The following ADCY8 variants were observed in gnomAD, a reference collection of about 807,000 sequenced individuals.
ADCY8 encodes the protein adenylate cyclase 8.
ADCY8 carries 51 observed loss-of-function variants against 119.7 expected under a neutral mutation model. The ratio of observed to expected loss-of-function variants is 0.43; its 90% CI spans 0.34 to 0.54. The LOEUF (loss-of-function observed/expected upper bound fraction) is 0.54. ADCY8 is among the 20% of genes least tolerant of loss of function. The pLI is 0.03. For missense variants in ADCY8, 1,383 were observed against 1,598.8 expected, an observed-to-expected ratio of 0.87 and a Z score of 2.30; for synonymous variants, 665 against 651.0, an observed-to-expected ratio of 1.02 and a Z score of -0.33.
intron 6 of ADCY8, among the ~76,000 whole-genome samples, chr8:130,906,079 A>T (rs1819774835): frequency 6.6e-6 from 1 of 152,214 alleles, no homozygotes; most frequent in South Asian, 2.1e-4. Context: ...GATTGATTTC[A>T]AGTGCAAGAT....
chr8:130,932,507 T>C (rs1820661296), intron 5 of ADCY8, among the ~76,000 whole-genome samples: 1 of 152,116 alleles, frequency 6.6e-6, no homozygotes, highest in Non-Finnish European at 1.5e-5. Flanking sequence ...AAATGGATGG[T>C]ATATTTTTCT....
rs558343181 is a variant in ADCY8 at position 130,939,297 on chromosome 8, C to T, written c.1354-2097G>A. Among the ~76,000 whole-genome samples, 14 of 152,200 alleles carry T rather than the reference C, an allele frequency of 9.2e-5. No individual in the cohort carries two copies. The South Asian group carries it at 2.7e-3, about 29-fold the overall frequency. ...AACATTATGAAAACTCACTACATTG[C>T]TTTTATCATTTTTAAAATCTCATGC... is the stretch of plus-strand genomic sequence containing the variant. On this transcript the variant is annotated intron_variant, in intron 4 of 17. Coordinates refer to ENST00000286355, the MANE Select transcript of ADCY8 (RefSeq NM_001115.3).
chr8:130,872,433 C>T (rs1000124220), intron 8 of ADCY8, among the ~76,000 whole-genome samples: 2 of 152,164 alleles, frequency 1.3e-5, no homozygotes, highest in Admixed American at 6.5e-5. Context: ...CTACTGCTTC[C>T]TTGCTATTTT....
chr8:130,882,929 A>T (rs1356208613), intron 8 of ADCY8, among the ~76,000 whole-genome samples: 2 of 152,104 alleles, frequency 1.3e-5, no homozygotes, highest in African/African-American at 4.8e-5. Context: ...TGTTGCCATC[A>T]CCACTGGGGA....
At chr8:131,015,826 G>GGACCCAAACTCA (rs1282123025) in intron 1 of ADCY8, among the ~76,000 whole-genome samples, 1 of 152,090 alleles carries the variant, frequency 6.6e-6, no homozygotes, top group Non-Finnish European at 1.5e-5. Flanking sequence ...AGAGAGGGCT[G>GGACCCAAACTCA]GACCCAAACT....
intron 14 of ADCY8, among the ~76,000 whole-genome samples, chr8:130,809,140 T>A (rs1301120806): frequency 6.6e-6 from 1 of 152,198 alleles, no homozygotes; most frequent in East Asian, 1.9e-4. Flanking sequence ...GTCCACCGCC[T>A]GTGTTTGGAT....
intron 5 of ADCY8, among the ~76,000 whole-genome samples, chr8:130,923,895 G>A (rs1343961318): frequency 1.3e-5 from 2 of 152,164 alleles, no homozygotes; most frequent in Admixed American, 6.5e-5. Context: ...CTATGAGGCT[G>A]TTTTGATTAG....
chr8:130,814,004 A>G, intron 14 of ADCY8, 65 bp downstream of exon 14: 1 of 1,581,660 alleles, frequency 6.3e-7, no homozygotes, highest in Non-Finnish European at 8.6e-7. Context: ...TTTGGGATCA[A>G]TGTGAACAAC....
chr8:130,986,695 A>C (rs1270638167), intron 2 of ADCY8, among the ~76,000 whole-genome samples: 1 of 152,248 alleles, frequency 6.6e-6, no homozygotes, highest in Non-Finnish European at 1.5e-5. Flanking sequence ...CTGGTGAAAT[A>C]GCAGTTTGGG....
chr8:130,807,983 C>CA (rs752321769), intron 14 of ADCY8, among the ~76,000 whole-genome samples: 586 of 47,236 alleles, frequency 0.012, 118 homozygotes, highest in East Asian at 0.042. Context: ...GACTCCGTCT[C>CA]AAAAAAAAAA....
chr8:130,884,122 T>A (rs1202922214), intron 8 of ADCY8, among the ~76,000 whole-genome samples: 1 of 152,162 alleles, frequency 6.6e-6, no homozygotes, highest in Admixed American at 6.5e-5. Context: ...GGAGAATAGA[T>A]ATCTAAAATC....
At chr8:130,905,931 T>G (rs886078578) in intron 6 of ADCY8, among the ~76,000 whole-genome samples, 2 of 152,196 alleles carry the variant, frequency 1.3e-5, no homozygotes, top group Non-Finnish European at 2.9e-5. Context: ...CTACTCCCTC[T>G]CATCCTTCTA....
In ADCY8 at chr8:130,998,973, G is replaced by A. The variant is rs190960809; in HGVS notation, c.961-8431C>T. Among the ~76,000 whole-genome samples, 100 of 152,242 alleles carry A rather than the reference G, an allele frequency of 6.6e-4. 1 individual carries two copies. The highest frequency in any genetic ancestry group is 1.7e-3 in the Admixed American group (26 of 15,302). On this transcript the variant is annotated intron_variant, in intron 1 of 17. Coordinates refer to ENST00000286355, the MANE Select transcript of ADCY8 (RefSeq NM_001115.3). ...GGAAGCTCCCAAGTCGATCTGCTGC[G>A]GTGGGTCCATAGACTGGCATGAAGA...
intron 9 of ADCY8, 131 bp from the exon 10 acceptor site, chr8:130,849,934 AG>A (rs1817463308): frequency 1.2e-5 from 11 of 916,530 alleles, no homozygotes; most frequent in East Asian, 2.6e-5. Context: ...TCCAAGAAAA[AG>A]GTTATTAGCA....
In ADCY8 at chr8:130,914,683, C is replaced by A. The variant is rs1012700502; in HGVS notation, c.1482-4817G>T. The stretch of plus-strand genomic sequence containing the variant: ...AGCATTCTTGAAGCTAAAATGGAGA[C>A]AATTCTACTCCTAGCGACAAGTCTT... On this transcript the variant is annotated intron_variant, in intron 5 of 17. Coordinates refer to ENST00000286355, the MANE Select transcript of ADCY8 (RefSeq NM_001115.3). Among the ~76,000 whole-genome samples the A allele has an allele frequency of 2.0e-5, 3 of 152,142 alleles. No individual in the cohort carries two copies. In the South Asian group the frequency reaches 6.3e-4, roughly 32 times the overall value.
chr8:130,841,793 C>T (rs1359209137), intron 11 of ADCY8, among the ~76,000 whole-genome samples: 1 of 152,278 alleles, frequency 6.6e-6, no homozygotes, highest in East Asian at 1.9e-4. Context: ...TCAAAAGTCA[C>T]TATAGTTTAA....
chr8:130,981,437 C>T (rs1822236546), intron 2 of ADCY8, among the ~76,000 whole-genome samples: 1 of 152,202 alleles, frequency 6.6e-6, no homozygotes, highest in Admixed American at 6.5e-5. Flanking sequence ...GGCAACAGAG[C>T]ATGTCTTCTC....
chr8:131,030,011 T>C (rs1823948667), intron 1 of ADCY8, among the ~76,000 whole-genome samples: 1 of 152,234 alleles, frequency 6.6e-6, no homozygotes, highest in African/African-American at 2.4e-5. Flanking sequence ...GATACAATTC[T>C]TGACCTCAAG....
intron 15 of ADCY8, among the ~76,000 whole-genome samples, chr8:130,792,524 C>T (rs1815455104): frequency 6.6e-6 from 1 of 152,172 alleles, no homozygotes; most frequent in East Asian, 1.9e-4. Flanking sequence ...GCCCCTTGTT[C>T]CTCCTCATCG....
Sources: allele counts gnomAD v4.1 joint callset (sites outside exome capture counted in the v4.1 genomes callset), GRCh38; gene constraint gnomAD v4.1.1; transcripts MANE v1.5; gene names NCBI Gene and HGNC (gene_info 2026-07-23, HGNC 2026-07-21).